SUGCT: variants seen among roughly 807,000 people sequenced by gnomAD.
SUGCT encodes succinyl-CoA:glutarate-CoA transferase.
Under a neutral mutation model 55.0 loss-of-function variants are expected in SUGCT, and 41 were observed. The ratio of observed to expected loss-of-function variants is 0.74; its 90% CI spans 0.58 to 0.97. SUGCT has a LOEUF of 0.97. Ranked by LOEUF, SUGCT falls within the 50% of genes least tolerant of loss-of-function variation. SUGCT has a pLI of 0.00. For synonymous variants in SUGCT, 187 were observed against 200.4 expected (o/e 0.93, Z 0.56); for missense variants, 568 against 547.8 (o/e 1.04, Z -0.37).
intron 9 of SUGCT, among the ~76,000 whole-genome samples, chr7:40,416,650 T>G (rs1051069100): frequency 6.6e-6 from 1 of 151,998 alleles, no homozygotes; most frequent in Non-Finnish European, 1.5e-5. Flanking sequence ...TTTAGAAATC[T>G]TGCGAATATT....
chr7:40,950,031 A>G, the SUGCT span, among the ~76,000 whole-genome samples: 8,584 of 152,272 alleles, frequency 0.056, 255 homozygotes, highest in Middle Eastern at 0.078. Flanking sequence ...CATTGAATCT[A>G]TAAATTACCT....
chr7:40,416,654 G>T (rs927475765), intron 9 of SUGCT, among the ~76,000 whole-genome samples: 1 of 151,866 alleles, frequency 6.6e-6, no homozygotes, highest in Non-Finnish European at 1.5e-5. Context: ...GAAATCTTGC[G>T]AATATTGATT....
At chr7:40,314,160 C>T (rs1167735136) in intron 8 of SUGCT, among the ~76,000 whole-genome samples, 1 of 152,160 alleles carries the variant, frequency 6.6e-6, no homozygotes, top group Admixed American at 6.5e-5. Flanking sequence ...GGCAGCCAAG[C>T]TGATATCCAG....
At chr7:40,206,250 A>T (rs901376651) in intron 6 of SUGCT, among the ~76,000 whole-genome samples, 1 of 152,216 alleles carries the variant, frequency 6.6e-6, no homozygotes, top group Admixed American at 6.5e-5. Context: ...TAAGAAAAAA[A>T]TTTTATACTT....
chr7:40,173,395 C>G (rs1382073162), intron 1 of SUGCT, among the ~76,000 whole-genome samples: 1 of 152,176 alleles, frequency 6.6e-6, no homozygotes, highest in Non-Finnish European at 1.5e-5. Flanking sequence ...GGACAGCAAG[C>G]GAAAGCTCAG....
chr7:40,187,830 G>T (rs1369828041), intron 3 of SUGCT, among the ~76,000 whole-genome samples: 1 of 152,066 alleles, frequency 6.6e-6, no homozygotes, highest in East Asian at 1.9e-4. Flanking sequence ...TTACTATGGA[G>T]GCTGATGCAG....
intron 9 of SUGCT, among the ~76,000 whole-genome samples, chr7:40,421,119 C>T (rs558931433): frequency 1.3e-5 from 2 of 152,290 alleles, no homozygotes; most frequent in African/African-American, 2.4e-5. Context: ...ATATTTGGAT[C>T]TGCAAAGTCT....
intron 8 of SUGCT, among the ~76,000 whole-genome samples, chr7:40,312,001 G>T (rs1795181300): frequency 6.6e-6 from 1 of 151,672 alleles, no homozygotes; most frequent in African/African-American, 2.4e-5. Flanking sequence ...GGAAGGCAAT[G>T]TTGTTGGAGT....
At chr7:40,952,209 G>A in the SUGCT span, among the ~76,000 whole-genome samples, 2 of 152,052 alleles carry the variant, frequency 1.3e-5, no homozygotes, top group Admixed American at 6.6e-5. Context: ...ATTATGTAAT[G>A]GTCTTCTTTG....
At chr7:40,629,025 T>C (rs1799659388) in intron 12 of SUGCT, among the ~76,000 whole-genome samples, 1 of 152,148 alleles carries the variant, frequency 6.6e-6, no homozygotes, top group Non-Finnish European at 1.5e-5. Context: ...CAGCACTGGT[T>C]CCCAAATCTC....
At chr7:40,543,279 T>C (rs374068079) in intron 12 of SUGCT, among the ~76,000 whole-genome samples, 1 of 152,350 alleles carries the variant, frequency 6.6e-6, no homozygotes, top group South Asian at 2.1e-4. Flanking sequence ...TAAATTAATA[T>C]TCTTTATTTA....
At chr7:40,626,687 T>C (rs1417688595) in intron 12 of SUGCT, among the ~76,000 whole-genome samples, 1 of 152,114 alleles carries the variant, frequency 6.6e-6, no homozygotes, top group Non-Finnish European at 1.5e-5. Flanking sequence ...AGAAAACTTA[T>C]GGGGAATGGG....
chr7:40,902,215 CACAA>C, the SUGCT span, among the ~76,000 whole-genome samples: 2 of 152,062 alleles, frequency 1.3e-5, no homozygotes, highest in African/African-American at 4.8e-5. Flanking sequence ...CTTGTGACTA[CACAA>C]ACAAAAAAAC....
At chr7:40,788,714 C>T (rs1790160428) in intron 13 of SUGCT, among the ~76,000 whole-genome samples, 1 of 152,174 alleles carries the variant, frequency 6.6e-6, no homozygotes, top group African/African-American at 2.4e-5. Flanking sequence ...GTCATGGCTC[C>T]TACTCATGGT....
intron 9 of SUGCT, among the ~76,000 whole-genome samples, chr7:40,437,314 G>T (rs894618033): frequency 1.3e-5 from 2 of 152,154 alleles, no homozygotes; most frequent in African/African-American, 4.8e-5. Flanking sequence ...GAACCTCAAG[G>T]ATATATGTGA....
chr7:40,451,815 G>A (rs899273759), intron 10 of SUGCT, among the ~76,000 whole-genome samples: 1 of 152,116 alleles, frequency 6.6e-6, no homozygotes, highest in African/African-American at 2.4e-5. Context: ...TCCCAGTTAT[G>A]TGTAGCGTGT....
At chr7:40,952,101 G>T in the SUGCT span, among the ~76,000 whole-genome samples, 2 of 152,092 alleles carry the variant, frequency 1.3e-5, no homozygotes, top group Non-Finnish European at 2.9e-5. Flanking sequence ...TCTCTTTGTA[G>T]GTCTCTAAGG....
chr7:40,315,248 C>G (rs1795364085), intron 8 of SUGCT, among the ~76,000 whole-genome samples: 1 of 152,200 alleles, frequency 6.6e-6, no homozygotes, highest in Non-Finnish European at 1.5e-5. Context: ...TAGAAACCAT[C>G]TAGGTTTCAA....
chr7:41,027,338 AG>A, the SUGCT span, among the ~76,000 whole-genome samples: 1 of 152,226 alleles, frequency 6.6e-6, no homozygotes, highest in African/African-American at 2.4e-5. Context: ...GACCTTGGCC[AG>A]GGCAGGGCTG....
Sources: gnomAD v4.1 joint callset for allele counts (sites outside exome capture counted in the v4.1 genomes callset) on GRCh38, gnomAD v4.1.1 for gene constraint, MANE v1.5 for transcripts, NCBI Gene and HGNC (gene_info 2026-07-23, HGNC 2026-07-21) for gene names.